The following PTPRM variants were observed in gnomAD, a reference collection of about 807,000 sequenced individuals.
The protein encoded by PTPRM is receptor-type tyrosine-protein phosphatase mu.
Under a neutral mutation model 186.7 loss-of-function variants are expected in PTPRM, and 47 were observed. That is an observed-to-expected ratio of 0.25 (90% CI 0.20 to 0.32). The LOEUF (loss-of-function observed/expected upper bound fraction) is 0.32. PTPRM is among the 10% of genes least tolerant of loss of function. PTPRM has a pLI of 1.00. For synonymous variants in PTPRM, 668 were observed against 674.9 expected (o/e 0.99, Z 0.16); for missense variants, 1,494 against 1,865.0 (o/e 0.80, Z 3.66).
intron 2 of PTPRM, among the ~76,000 whole-genome samples, chr18:7,885,104 A>G (rs557561567): frequency 6.6e-6 from 1 of 152,074 alleles, no homozygotes; most frequent in African/African-American, 2.4e-5. Context: ...CACAGACCCC[A>G]TGAGACCATC....
At chr18:7,678,543 G>A (rs376690710) in intron 1 of PTPRM, among the ~76,000 whole-genome samples, 46 of 152,246 alleles carry the variant, frequency 3.0e-4, no homozygotes, top group African/African-American at 7.7e-4. Flanking sequence ...ACCACTGGGC[G>A]TGTGCAGTTA....
intron 2 of PTPRM, among the ~76,000 whole-genome samples, chr18:7,829,231 A>G (rs2045640291): frequency 1.3e-5 from 2 of 152,204 alleles, no homozygotes; most frequent in African/African-American, 4.8e-5. Context: ...ACATACATAA[A>G]TGTTAGAGAC....
At chr18:8,296,601 A>G (rs2095099616) in intron 20 of PTPRM, 146 bp downstream of exon 20, 1 of 589,258 alleles carries the variant, frequency 1.7e-6, no homozygotes, top group Non-Finnish European at 3.0e-6. Context: ...CTCGTACTAA[A>G]GAAAGGAATA....
intron 23 of PTPRM, among the ~76,000 whole-genome samples, chr18:8,352,652 G>GTTTTTTTTTTTTTTTTTTTTTTTTT (rs142090056): frequency 9.8e-6 from 1 of 102,224 alleles, no homozygotes; most frequent in Admixed American, 9.7e-5. Context: ...TTTTTGGTTT[G>GTTTTTTTTTTTTTTTTTTTTTTTTT]GTTTTTTTTG....
At chr18:7,705,154 TAAGA>T (rs2040049933) in intron 1 of PTPRM, among the ~76,000 whole-genome samples, 1 of 152,098 alleles carries the variant, frequency 6.6e-6, no homozygotes, top group Admixed American at 6.6e-5. Flanking sequence ...TGTCATTTGA[TAAGA>T]AAGAACATGT....
chr18:7,767,744 A>G (rs2042081176), intron 1 of PTPRM, among the ~76,000 whole-genome samples: 1 of 152,234 alleles, frequency 6.6e-6, no homozygotes, highest in Admixed American at 6.5e-5. Flanking sequence ...CAACTTTTGT[A>G]AGTCAAAAGC....
At chr18:7,695,748 A>C (rs1445618031) in intron 1 of PTPRM, among the ~76,000 whole-genome samples, 1 of 152,308 alleles carries the variant, frequency 6.6e-6, no homozygotes, top group African/African-American at 2.4e-5. Context: ...CTGCATATTA[A>C]GGTAGTTCGA....
At chr18:7,893,913 T>C (rs1460879318) in intron 3 of PTPRM, among the ~76,000 whole-genome samples, 1 of 152,120 alleles carries the variant, frequency 6.6e-6, no homozygotes, top group East Asian at 1.9e-4. Context: ...TATTCACAGA[T>C]ACAAAGTAAA....
chr18:7,801,411 T>C (rs1423969576), intron 2 of PTPRM, among the ~76,000 whole-genome samples: 1 of 152,144 alleles, frequency 6.6e-6, no homozygotes, highest in Non-Finnish European at 1.5e-5. Flanking sequence ...CCACATCTTG[T>C]CCCACTCACT....
chr18:8,203,756 A>T (rs1349122630), intron 14 of PTPRM, among the ~76,000 whole-genome samples: 3 of 152,330 alleles, frequency 2.0e-5, no homozygotes, highest in Non-Finnish European at 2.9e-5. Flanking sequence ...AAGTAAACAC[A>T]CACACACATG....
At chr18:7,768,242 A>G (rs2042104622) in intron 1 of PTPRM, among the ~76,000 whole-genome samples, 1 of 152,170 alleles carries the variant, frequency 6.6e-6, no homozygotes, top group Admixed American at 6.5e-5. Flanking sequence ...TCATGCCTTA[A>G]TCCTAGTGCT....
chr18:7,772,365 T>TTCTTTCTTTCTTTCTTTCTTTC (rs2042336232), intron 1 of PTPRM, among the ~76,000 whole-genome samples: 5 of 71,124 alleles, frequency 7.0e-5, no homozygotes, highest in Admixed American at 2.0e-4. Flanking sequence ...CTTTCTTTCT[T>TTCTTTCTTTCTTTCTTTCTTTC]TCTTTCTTTC....
intron 9 of PTPRM, among the ~76,000 whole-genome samples, chr18:8,078,065 T>A (rs2089926126): frequency 6.6e-6 from 1 of 152,194 alleles, no homozygotes; most frequent in Admixed American, 6.5e-5. Context: ...TAGAACAGAT[T>A]GGTTCAGTTT....
chr18:8,282,230 A>G (rs1233078076), intron 19 of PTPRM, among the ~76,000 whole-genome samples: 2 of 152,226 alleles, frequency 1.3e-5, no homozygotes, highest in East Asian at 1.9e-4. Flanking sequence ...GAGGTACATC[A>G]TATTAGAGCA....
intron 2 of PTPRM, among the ~76,000 whole-genome samples, chr18:7,809,874 A>G (rs1335669175): frequency 6.6e-6 from 1 of 152,220 alleles, no homozygotes; most frequent in Non-Finnish European, 1.5e-5. Context: ...GGAACAGAAG[A>G]CACAAGTGCC....
rs78250450 is a variant in PTPRM, at chr18:8,197,993, A to G, written c.2301-46065A>G. The stretch of plus-strand genomic sequence containing the variant: ...ATGGAGTGACCTGAGTCTGATGGGT[A>G]GAAACAGCCACCCTTGCTCTCTCCC... On this transcript the variant is annotated intron_variant, in intron 14 of 32. Coordinates refer to ENST00000580170, the MANE Select transcript of PTPRM (RefSeq NM_001105244.2). Among the ~76,000 whole-genome samples, 573 of 152,276 alleles carry G rather than the reference A, an allele frequency of 3.8e-3. 3 individuals are homozygous for G. Among genetic ancestry groups the G allele is most frequent in the African/African-American group, 0.01 (433 of 41,562 alleles).
rs1034953541 is a variant in PTPRM, at chr18:7,946,262, C to G, written c.664-2919C>G. On this transcript the variant is annotated intron_variant, in intron 5 of 32. Coordinates refer to ENST00000580170, the MANE Select transcript of PTPRM (RefSeq NM_001105244.2). ...TTGAAATTGTTTTTGAATAAACATTCTTTTGATAGATGCTTCTGTTTGGAA... is the reference window on the plus strand; with the variant it reads ...TTGAAATTGTTTTTGAATAAACATTGTTTTGATAGATGCTTCTGTTTGGAA... Among the ~76,000 whole-genome samples, 50 of 152,262 alleles carry G rather than the reference C, an allele frequency of 3.3e-4. 1 individual carries two copies. Among genetic ancestry groups the G allele is most frequent in the Non-Finnish European group, 6.2e-4 (42 of 68,018 alleles).
intron 14 of PTPRM, among the ~76,000 whole-genome samples, chr18:8,197,971 G>T (rs959869010): frequency 6.6e-6 from 1 of 152,170 alleles, no homozygotes; most frequent in African/African-American, 2.4e-5. Flanking sequence ...AGGTGGGATG[G>T]AGTGACCTGA....
intron 7 of PTPRM, among the ~76,000 whole-genome samples, chr18:8,000,455 A>G (rs2083805197): frequency 1.3e-5 from 2 of 152,158 alleles, no homozygotes; most frequent in Non-Finnish European, 2.9e-5. Flanking sequence ...ATAAAATAAT[A>G]TGTTTGGATT....
Sources: allele counts gnomAD v4.1 joint callset (sites outside exome capture counted in the v4.1 genomes callset), GRCh38; gene constraint gnomAD v4.1.1; transcripts MANE v1.5; gene names NCBI Gene and HGNC (gene_info 2026-07-23, HGNC 2026-07-21).